The following ANKRD6 variants were observed in gnomAD, a reference collection of about 807,000 sequenced individuals.
ANKRD6 encodes ankyrin repeat domain-containing protein 6.
Under a neutral mutation model 82.3 loss-of-function variants are expected in ANKRD6, and 56 were observed. The observed-to-expected ratio is 0.68, with a 90% CI of 0.55 to 0.85. The LOEUF (loss-of-function observed/expected upper bound fraction) is 0.85, where lower values mean the gene tolerates loss of function less well. ANKRD6 is among the 40% of genes least tolerant of loss of function. The pLI is 0.00. For synonymous variants in ANKRD6, 347 were observed against 352.1 expected, an observed-to-expected ratio of 0.99 and a Z score of 0.16; for missense variants, 852 against 907.6, an observed-to-expected ratio of 0.94 and a Z score of 0.79.
At chr6:89,538,078 T>G (rs1177279038) in intron 1 of ANKRD6, among the ~76,000 whole-genome samples, 1 of 152,164 alleles carries the variant, frequency 6.6e-6, no homozygotes, top group Non-Finnish European at 1.5e-5. Flanking sequence ...TTACCACACA[T>G]TCAAAAAGTA....
chr6:89,534,471 A>G (rs1451433575), intron 1 of ANKRD6, among the ~76,000 whole-genome samples: 1 of 152,212 alleles, frequency 6.6e-6, no homozygotes, highest in Admixed American at 6.5e-5. Context: ...AAGTGTGGGA[A>G]GGAATTAAGA....
intron 1 of ANKRD6, among the ~76,000 whole-genome samples, chr6:89,516,567 T>C (rs1241516632): frequency 1.3e-5 from 2 of 151,942 alleles, no homozygotes; most frequent in African/African-American, 4.8e-5. Flanking sequence ...CTCCACCTCC[T>C]GGGTTCAAGC....
intron 1 of ANKRD6, among the ~76,000 whole-genome samples, chr6:89,458,890 A>G (rs568964849): frequency 1.3e-5 from 2 of 152,252 alleles, no homozygotes; most frequent in South Asian, 2.1e-4. Flanking sequence ...TTCTTGGCCT[A>G]TGCTGTCTTG....
intron 1 of ANKRD6, among the ~76,000 whole-genome samples, chr6:89,552,348 A>G (rs750472428): frequency 6.6e-6 from 1 of 152,220 alleles, no homozygotes; most frequent in Non-Finnish European, 1.5e-5. Flanking sequence ...ACATGAGTAT[A>G]GGAGAGGACC....
intron 1 of ANKRD6, among the ~76,000 whole-genome samples, chr6:89,563,579 G>A (rs1562831337): frequency 6.6e-6 from 1 of 152,182 alleles, no homozygotes; most frequent in African/African-American, 2.4e-5. Flanking sequence ...ATATAAGGAG[G>A]GGATGAACTG....
chr6:89,629,009 A>G (rs74437492), intron 14 of ANKRD6, 103 bp from the exon 15 acceptor site: 224,995 of 1,307,448 alleles, frequency 0.17, 20,765 homozygotes, highest in South Asian at 0.29. Context: ...CTCAACTGTT[A>G]TAATTGAAAA....
At chr6:89,589,177 G>T (rs1794389837) in intron 2 of ANKRD6, among the ~76,000 whole-genome samples, 1 of 152,098 alleles carries the variant, frequency 6.6e-6, no homozygotes, top group Admixed American at 6.5e-5. Context: ...TAGGGTCCAA[G>T]ATACTGAAGC....
At chr6:89,509,870 A>G (rs1304482628) in intron 1 of ANKRD6, among the ~76,000 whole-genome samples, 3 of 152,240 alleles carry the variant, frequency 2.0e-5, no homozygotes, top group Admixed American at 6.5e-5. Context: ...TAAGCCAAGT[A>G]TGCTGACTTC....
At chr6:89,515,125 CTG>C (rs1464088607) in intron 1 of ANKRD6, among the ~76,000 whole-genome samples, 4 of 152,268 alleles carry the variant, frequency 2.6e-5, no homozygotes, top group Non-Finnish European at 1.5e-5. Context: ...TCTCCTGTCA[CTG>C]TGGTTTTTCT....
At chr6:89,512,737 G>A (rs1780702001) in intron 1 of ANKRD6, among the ~76,000 whole-genome samples, 1 of 152,192 alleles carries the variant, frequency 6.6e-6, no homozygotes, top group Non-Finnish European at 1.5e-5. Context: ...GCAGCATGTT[G>A]CACATAAATA....
intron 5 of ANKRD6, among the ~76,000 whole-genome samples, chr6:89,607,655 CTTTT>C (rs10598205): frequency 2.2e-5 from 3 of 135,856 alleles, no homozygotes; most frequent in Non-Finnish European, 1.6e-5. Flanking sequence ...GGAGAAGAGA[CTTTT>C]TTTTTTTTTT....
chr6:89,447,771 C>T (rs1292657555), intron 1 of ANKRD6, among the ~76,000 whole-genome samples: 2 of 152,038 alleles, frequency 1.3e-5, no homozygotes, highest in Non-Finnish European at 2.9e-5. Context: ...TCACTGCAAC[C>T]TCTGCCTCCT....
chr6:89,462,698 G>A lies in ANKRD6; in HGVS notation c.-144+29323G>A, dbSNP rs926319019. Among the ~76,000 whole-genome samples, 6 of 151,924 alleles carry A rather than the reference G, an allele frequency of 3.9e-5. No individual in the cohort carries two copies. In the East Asian group the frequency reaches 1.2e-3, roughly 29 times the overall value. ...TTTTAGAGACAGAACAAAGTCTATT[G>A]CGTAAGACAATAAAAAGATTATCTT... On this transcript the variant is annotated intron_variant, in intron 1 of 15. Transcript: ENST00000339746.
intron 1 of ANKRD6, among the ~76,000 whole-genome samples, chr6:89,545,212 C>CAAAAAAA (rs754348482): frequency 5.8e-5 from 5 of 86,274 alleles, no homozygotes; most frequent in Non-Finnish European, 9.0e-5. Context: ...GACTCCATCT[C>CAAAAAAA]AAAAAAAAAA....
chr6:89,584,224 C>T (rs1793219925), intron 2 of ANKRD6, among the ~76,000 whole-genome samples: 1 of 152,142 alleles, frequency 6.6e-6, no homozygotes, highest in African/African-American at 2.4e-5. Flanking sequence ...CAGTAATCAG[C>T]ATGTTGTGAG....
At chr6:89,476,268 C>A (rs1051311538) in intron 1 of ANKRD6, among the ~76,000 whole-genome samples, 1 of 152,090 alleles carries the variant, frequency 6.6e-6, no homozygotes, top group African/African-American at 2.4e-5. Flanking sequence ...TCACTGCAAC[C>A]TCCGCCTCCT....
At chr6:89,453,064 C>T (rs1773048102) in intron 1 of ANKRD6, among the ~76,000 whole-genome samples, 1 of 152,196 alleles carries the variant, frequency 6.6e-6, no homozygotes, top group African/African-American at 2.4e-5. Context: ...TCACTCTGGT[C>T]AGAAATAGAA....
At chr6:89,437,649 A>T (rs1248695570) in intron 1 of ANKRD6, among the ~76,000 whole-genome samples, 1 of 152,210 alleles carries the variant, frequency 6.6e-6, no homozygotes. Flanking sequence ...TTCCAAATGT[A>T]TTCTAAATAT....
At chr6:89,447,680 ACTTTGTTTTT>A (rs369227684) in intron 1 of ANKRD6, among the ~76,000 whole-genome samples, 3 of 151,976 alleles carry the variant, frequency 2.0e-5, no homozygotes, top group East Asian at 1.9e-4. Context: ...TCCATTTAGG[ACTTTGTTTTT>A]CTTTCTTTTT....
Sources: allele counts gnomAD v4.1 joint callset (sites outside exome capture counted in the v4.1 genomes callset), GRCh38; gene constraint gnomAD v4.1.1; transcripts MANE v1.5; gene names NCBI Gene and HGNC (gene_info 2026-07-23, HGNC 2026-07-21).